The following LUZP2 variants were observed in gnomAD, a reference collection of about 807,000 sequenced individuals.
The protein encoded by LUZP2 is leucine zipper protein 2.
Under a neutral mutation model 51.6 loss-of-function variants are expected in LUZP2, and 52 were observed. The observed-to-expected ratio is 1.01, with a 90% confidence interval of 0.81 to 1.27. The LOEUF (loss-of-function observed/expected upper bound fraction) is 1.27, where lower values mean the gene tolerates loss of function less well. Ranked by LOEUF, LUZP2 falls within the 50% of genes most tolerant of loss-of-function variation. The pLI is 0.00. For synonymous variants in LUZP2, 154 were observed against 137.3 expected (o/e 1.12, Z -0.85); for missense variants, 436 against 395.4 (o/e 1.10, Z -0.87).
intron 1 of LUZP2, among the ~76,000 whole-genome samples, chr11:24,613,974 T>C (rs1236485090): frequency 1.3e-5 from 2 of 152,018 alleles, no homozygotes; most frequent in African/African-American, 2.4e-5. Flanking sequence ...CTTTGGTGTG[T>C]GTTCTATTTA....
At chr11:24,506,919 A>G (rs894378397) in intron 1 of LUZP2, among the ~76,000 whole-genome samples, 2 of 152,138 alleles carry the variant, frequency 1.3e-5, no homozygotes, top group South Asian at 4.1e-4. Context: ...GAAAGTAATA[A>G]TCAGTACTAC....
At chr11:24,883,719 C>T (rs1181204982) in intron 5 of LUZP2, among the ~76,000 whole-genome samples, 1 of 151,976 alleles carries the variant, frequency 6.6e-6, no homozygotes, top group African/African-American at 2.4e-5. Flanking sequence ...TACTGACTAG[C>T]AAACATTGAA....
At chr11:24,746,653 C>G (rs2631418) in intron 4 of LUZP2, among the ~76,000 whole-genome samples, 49,220 of 152,008 alleles carry the variant, frequency 0.32, 8,575 homozygotes, top group East Asian at 0.58. Context: ...GTTTTCCAAA[C>G]TTTTAGATTT....
chr11:24,878,134 C>G (rs72874325), intron 5 of LUZP2, among the ~76,000 whole-genome samples: 1 of 133,234 alleles, frequency 7.5e-6, no homozygotes, highest in South Asian at 2.5e-4. Flanking sequence ...CTTACAATTA[C>G]CAGTAAGTTT....
rs924388317 is a variant in LUZP2 at position 25,070,921 on chromosome 11, CCTT to C, written c.859-6404_859-6402del. 6.1e-4 allele frequency among the ~76,000 whole-genome samples: 93 copies of C among 151,650 alleles called. 1 individual carries two copies. The highest frequency in any genetic ancestry group is 2.2e-3 in the African/African-American group (90 of 41,288). On this transcript the variant is annotated intron_variant, in intron 10 of 11. Coordinates refer to ENST00000336930, the MANE Select transcript of LUZP2 (RefSeq NM_001009909.4). Reference sequence around the variant, plus strand: ...TTCAGTTCACATCTTGAAAAGGTTCCCTTCTTTGAATCACCTTTAGCCGTGACC... The same window carrying C: ...TTCAGTTCACATCTTGAAAAGGTTCCCTTTGAATCACCTTTAGCCGTGACC...
chr11:24,973,910 T>A (rs75078932), intron 7 of LUZP2, among the ~76,000 whole-genome samples: 12 of 152,134 alleles, frequency 7.9e-5, no homozygotes, highest in Non-Finnish European at 1.6e-4. Context: ...GTATATTCTG[T>A]TGTTTTTTAA....
chr11:24,952,995 G>A (rs111347532), intron 7 of LUZP2, among the ~76,000 whole-genome samples: 4 of 151,684 alleles, frequency 2.6e-5, no homozygotes, highest in African/African-American at 9.7e-5. Flanking sequence ...GTGTCATTCA[G>A]CTCCACTTAT....
intron 7 of LUZP2, among the ~76,000 whole-genome samples, chr11:24,926,527 G>A (rs1399528285): frequency 3.5e-5 from 5 of 144,088 alleles, no homozygotes; most frequent in South Asian, 2.2e-4. Context: ...GTGTATATAT[G>A]TGTGTGTATA....
At chr11:24,710,900 G>T (rs762381607) in intron 1 of LUZP2, among the ~76,000 whole-genome samples, 3 of 135,974 alleles carry the variant, frequency 2.2e-5, no homozygotes, top group Non-Finnish European at 4.7e-5. Flanking sequence ...AAAGAGAAAG[G>T]AAAGAAAGAA....
At position 24,624,244 on chromosome 11, in the gene LUZP2, T is replaced by C. The variant is rs558779664; in HGVS notation, c.63-104925T>C. ...AGTAATCATTCATTAATATATGATA[T>C]GTGTCTATTCATTAACTAATAGTGA... On this transcript the variant is annotated intron_variant, in intron 1 of 11. Coordinates refer to ENST00000336930, the MANE Select transcript of LUZP2 (RefSeq NM_001009909.4). Among the ~76,000 whole-genome samples the C allele has an allele frequency of 2.6e-5, 4 of 152,320 alleles. No individual in the cohort carries two copies. In the South Asian group the frequency reaches 8.3e-4, roughly 32 times the overall value.
intron 1 of LUZP2, among the ~76,000 whole-genome samples, chr11:24,648,359 A>G (rs972216797): frequency 6.6e-6 from 1 of 151,660 alleles, no homozygotes; most frequent in African/African-American, 2.4e-5. Context: ...CCCCTAACCT[A>G]TCTCTTACCC....
intron 5 of LUZP2, among the ~76,000 whole-genome samples, chr11:24,859,105 T>A (rs900291258): frequency 2.0e-5 from 3 of 152,272 alleles, no homozygotes; most frequent in Admixed American, 6.5e-5. Context: ...GAGAAATTAA[T>A]AGAAGAAGAT....
intron 5 of LUZP2, among the ~76,000 whole-genome samples, chr11:24,771,524 G>A (rs1328288080): frequency 6.6e-6 from 1 of 150,418 alleles, no homozygotes; most frequent in Non-Finnish European, 1.5e-5. Flanking sequence ...GACAACACAG[G>A]GCCAGGACTT....
Position 24,897,816 on chromosome 11 carries a change from T to A in LUZP2, c.397-8175T>A, listed in dbSNP as rs367720825. Among the ~76,000 whole-genome samples the A allele has an allele frequency of 6.6e-5, 10 of 152,330 alleles. No individual in the cohort carries two copies. In the East Asian group the frequency reaches 1.4e-3, roughly 21 times the overall value. On this transcript the variant is annotated intron_variant, in intron 5 of 11. Transcript: ENST00000336930. ...TTTGTCCTTTTTTTAATGGGGTTATTTATTTTTTGCTTGCTCAATTGATTT... is the reference window on the plus strand; with the variant it reads ...TTTGTCCTTTTTTTAATGGGGTTATATATTTTTTGCTTGCTCAATTGATTT...
intron 5 of LUZP2, among the ~76,000 whole-genome samples, chr11:24,904,077 T>TAA: frequency 6.6e-6 from 1 of 152,302 alleles, no homozygotes; most frequent in South Asian, 2.1e-4. Context: ...GCTGTACTAA[T>TAA]TTACATTCCC....
At chr11:24,857,763 T>A (rs1173262596) in intron 5 of LUZP2, among the ~76,000 whole-genome samples, 1 of 152,000 alleles carries the variant, frequency 6.6e-6, no homozygotes, top group Non-Finnish European at 1.5e-5. Flanking sequence ...TTAGCATGCT[T>A]CCAGCCACCT....
At chr11:24,599,627 T>C (rs955794057) in intron 1 of LUZP2, among the ~76,000 whole-genome samples, 5 of 152,146 alleles carry the variant, frequency 3.3e-5, no homozygotes, top group African/African-American at 1.2e-4. Context: ...TACTCACATC[T>C]GTAGTATTTT....
intron 1 of LUZP2, among the ~76,000 whole-genome samples, chr11:24,557,691 C>T (rs1364747718): frequency 6.6e-6 from 1 of 152,078 alleles, no homozygotes; most frequent in Non-Finnish European, 1.5e-5. Flanking sequence ...ATTATCATGT[C>T]TATGTCTAAG....
intron 2 of LUZP2, among the ~76,000 whole-genome samples, chr11:24,731,139 A>C (rs1476925955): frequency 6.6e-6 from 1 of 151,750 alleles, no homozygotes; most frequent in Non-Finnish European, 1.5e-5. Context: ...ATCCCACTTC[A>C]TTCCTGTTAT....
Sources: allele counts gnomAD v4.1 joint callset (sites outside exome capture counted in the v4.1 genomes callset), GRCh38; gene constraint gnomAD v4.1.1; transcripts MANE v1.5; gene names NCBI Gene and HGNC (gene_info 2026-07-23, HGNC 2026-07-21).